GRID2: variants seen among roughly 807,000 people sequenced by gnomAD.
The protein encoded by GRID2 is glutamate ionotropic receptor delta type subunit 2.
GRID2 carries 33 observed loss-of-function variants against 114.8 expected under a neutral mutation model. That is an observed-to-expected ratio of 0.29 (90% confidence interval 0.22 to 0.38). The LOEUF (loss-of-function observed/expected upper bound fraction) is 0.38. Ranked by LOEUF, GRID2 falls within the 10% of genes least tolerant of loss-of-function variation. The pLI, the probability that GRID2 is intolerant of heterozygous loss-of-function variation, is 1.00. For missense variants in GRID2, 1,184 were observed against 1,257.7 expected (o/e 0.94, Z 0.89); for synonymous variants, 505 against 449.9 (o/e 1.12, Z -1.55).
intron 2 of GRID2, among the ~76,000 whole-genome samples, chr4:92,909,778 T>C (rs185874456): frequency 1.9e-3 from 291 of 152,290 alleles, no homozygotes; most frequent in African/African-American, 6.9e-3. Context: ...TTTAAAGCAT[T>C]TTTTATGTTA....
At chr4:93,581,750 T>C (rs957172587) in intron 13 of GRID2, among the ~76,000 whole-genome samples, 2 of 152,158 alleles carry the variant, frequency 1.3e-5, no homozygotes, top group Non-Finnish European at 2.9e-5. Flanking sequence ...TATCAGGATA[T>C]CTCTATCCTG....
chr4:92,757,304 C>T (rs1737767846), intron 2 of GRID2, among the ~76,000 whole-genome samples: 1 of 152,000 alleles, frequency 6.6e-6, no homozygotes, highest in Admixed American at 6.6e-5. Flanking sequence ...AGATTGTATA[C>T]CTAGTCCATA....
intron 14 of GRID2, among the ~76,000 whole-genome samples, chr4:93,661,445 T>C (rs1027319011): frequency 3.9e-5 from 6 of 152,186 alleles, no homozygotes; most frequent in African/African-American, 1.4e-4. Flanking sequence ...TGTCTGATAC[T>C]CCTAAGTGCA....
intron 2 of GRID2, among the ~76,000 whole-genome samples, chr4:92,725,940 G>A (rs1402849666): frequency 6.6e-6 from 1 of 152,060 alleles, no homozygotes; most frequent in Non-Finnish European, 1.5e-5. Flanking sequence ...AGAATAAATT[G>A]TAAGAAAACT....
chr4:93,533,244 CTCTTCCTTCCTTCCTTCCTT>C (rs1560722137), intron 13 of GRID2, among the ~76,000 whole-genome samples: 3 of 142,446 alleles, frequency 2.1e-5, no homozygotes, highest in South Asian at 2.3e-4. Flanking sequence ...CTTTCTTTCT[CTCTTCCTTCCTTCCTTCCTT>C]CCTTCCTTCC....
intron 1 of GRID2, among the ~76,000 whole-genome samples, chr4:92,486,823 CA>C (rs1336153918): frequency 5.3e-5 from 8 of 151,942 alleles, no homozygotes; most frequent in African/African-American, 1.9e-4. Context: ...GGTATATGAA[CA>C]GATGCTTAAC....
chr4:93,591,181 T>C (rs1283300404), intron 13 of GRID2, among the ~76,000 whole-genome samples: 1 of 149,596 alleles, frequency 6.7e-6, no homozygotes, highest in African/African-American at 2.5e-5. Context: ...AGTATGATAT[T>C]GGCTGTGGGT....
chr4:92,925,348 CATT>C (rs1170581561), intron 2 of GRID2, among the ~76,000 whole-genome samples: 7 of 151,902 alleles, frequency 4.6e-5, no homozygotes, highest in African/African-American at 1.7e-4. Context: ...TGTCAAGAAA[CATT>C]ATAAGAGATC....
chr4:92,748,428 CT>C (rs748553918), intron 2 of GRID2, among the ~76,000 whole-genome samples: 474 of 152,116 alleles, frequency 3.1e-3, no homozygotes, highest in Non-Finnish European at 5.8e-3. Flanking sequence ...TCCTGAAAAA[CT>C]ACATGATGAT....
intron 2 of GRID2, among the ~76,000 whole-genome samples, chr4:92,592,916 A>T (rs561622896): frequency 6.6e-6 from 1 of 152,056 alleles, no homozygotes; most frequent in Non-Finnish European, 1.5e-5. Flanking sequence ...ATTTTCTTCA[A>T]TGTTTTGAGG....
At chr4:93,069,181 A>G (rs1728584499) in intron 2 of GRID2, among the ~76,000 whole-genome samples, 1 of 151,952 alleles carries the variant, frequency 6.6e-6, no homozygotes. Context: ...ATTACATTTC[A>G]ACATTAGTTT....
At chr4:93,084,363 G>GT (rs1478420340) in intron 2 of GRID2, among the ~76,000 whole-genome samples, 1 of 152,136 alleles carries the variant, frequency 6.6e-6, no homozygotes, top group Non-Finnish European at 1.5e-5. Flanking sequence ...CTACAATGTA[G>GT]TATTTGAAAT....
intron 2 of GRID2, among the ~76,000 whole-genome samples, chr4:92,633,953 A>G (rs1405956507): frequency 6.6e-6 from 1 of 151,948 alleles, no homozygotes; most frequent in Non-Finnish European, 1.5e-5. Context: ...GGAAATCGGC[A>G]GAACTGAAAT....
intron 11 of GRID2, among the ~76,000 whole-genome samples, chr4:93,471,243 A>T (rs2149434437): frequency 6.6e-6 from 1 of 152,206 alleles, no homozygotes; most frequent in South Asian, 2.1e-4. Context: ...TATTTTGATA[A>T]TTTCCTCTGA....
At position 93,391,241 on chromosome 4, in the gene GRID2, G is replaced by C. The variant is rs146349018; in HGVS notation, c.1246-4366G>C. On this transcript the variant is annotated intron_variant, in intron 8 of 15. Transcript: ENST00000282020. ...ACTGCATTCATTCACATGTCAAAGT[G>C]GAAAACATTCCAATTTACTTCTATA... 1.1e-4 allele frequency among the ~76,000 whole-genome samples: 16 copies of C among 152,242 alleles called. No homozygotes were observed. In the East Asian group the frequency reaches 3.1e-3, roughly 29 times the overall value.
intron 14 of GRID2, among the ~76,000 whole-genome samples, chr4:93,651,803 A>T (rs999445634): frequency 6.6e-6 from 1 of 152,146 alleles, no homozygotes; most frequent in African/African-American, 2.4e-5. Flanking sequence ...TTTGTTAACC[A>T]CCTACTAAAT....
At chr4:92,356,181 T>G (rs1043099567) in intron 1 of GRID2, among the ~76,000 whole-genome samples, 1 of 151,624 alleles carries the variant, frequency 6.6e-6, no homozygotes, top group Non-Finnish European at 1.5e-5. Flanking sequence ...AAATTTTATA[T>G]AAAATGACAG....
At chr4:92,420,524 A>G (rs1215908133) in intron 1 of GRID2, among the ~76,000 whole-genome samples, 1 of 152,148 alleles carries the variant, frequency 6.6e-6, no homozygotes, top group Non-Finnish European at 1.5e-5. Flanking sequence ...TTTGTTGTTT[A>G]CAAGGTTTGT....
intron 1 of GRID2, among the ~76,000 whole-genome samples, chr4:92,422,763 C>G (rs1178575783): frequency 6.6e-6 from 1 of 152,250 alleles, no homozygotes; most frequent in Non-Finnish European, 1.5e-5. Flanking sequence ...ACTCCTAAAC[C>G]ATAATTTCTA....
Sources: allele counts gnomAD v4.1 joint callset (sites outside exome capture counted in the v4.1 genomes callset), GRCh38; gene constraint gnomAD v4.1.1; transcripts MANE v1.5; gene names NCBI Gene and HGNC (gene_info 2026-07-23, HGNC 2026-07-21).